MERTK: variants seen among roughly 807,000 people sequenced by gnomAD.
MERTK encodes MER proto-oncogene, tyrosine kinase.
Under a neutral mutation model 99.3 loss-of-function variants are expected in MERTK, and 69 were observed. That is an observed-to-expected ratio of 0.70 (90% confidence interval 0.57 to 0.85). The LOEUF is 0.85. MERTK is among the 40% of genes least tolerant of loss of function. The pLI is 0.00. For missense variants in MERTK, 1,125 were observed against 1,249.4 expected (o/e 0.90, Z 1.50); for synonymous variants, 426 against 467.6 (o/e 0.91, Z 1.15).
chr2:111,949,420 C>G (rs912800411), intron 4 of MERTK, among the ~76,000 whole-genome samples: 3 of 152,168 alleles, frequency 2.0e-5, no homozygotes, highest in Admixed American at 2.0e-4. Context: ...CTCTGAATCA[C>G]TTTTCTAACC....
intron 4 of MERTK, among the ~76,000 whole-genome samples, chr2:111,964,956 G>T (rs1271972272): frequency 6.6e-6 from 1 of 152,138 alleles, no homozygotes; most frequent in Non-Finnish European, 1.5e-5. Flanking sequence ...CACCATTCAG[G>T]ATCTGAATAA....
At chr2:112,003,051 C>T (rs201673609) in intron 11 of MERTK, 41 bp from the exon 12 acceptor site, 41 of 886,570 alleles carry the variant, frequency 4.6e-5, no homozygotes, top group African/African-American at 4.4e-4. Flanking sequence ...AAAGAAAACA[C>T]GCTGACAATT....
chr2:111,903,054 C>CAA (rs1190566569), intron 1 of MERTK, among the ~76,000 whole-genome samples: 1 of 152,218 alleles, frequency 6.6e-6, no homozygotes, highest in Non-Finnish European at 1.5e-5. Flanking sequence ...GCAGAGATTA[C>CAA]AGGCGTGAGC....
chr2:111,939,174 T>G (rs534835421), intron 2 of MERTK, among the ~76,000 whole-genome samples: 1 of 152,306 alleles, frequency 6.6e-6, no homozygotes, highest in East Asian at 1.9e-4. Context: ...AATGGTCTTC[T>G]TGCTGATGCG....
intron 8 of MERTK, 66 bp downstream of exon 8, chr2:111,983,059 T>A (rs976475106): frequency 3.0e-5 from 48 of 1,597,636 alleles, no homozygotes; most frequent in Non-Finnish European, 3.0e-5. Context: ...TACTTCAGTT[T>A]TAGAAGCTTT....
At chr2:111,939,655 T>TC in intron 2 of MERTK, among the ~76,000 whole-genome samples, 1 of 79,504 alleles carries the variant, frequency 1.3e-5, no homozygotes, top group East Asian at 2.6e-4. Flanking sequence ...TAATTTTTAA[T>TC]TTTTTTTTTT....
At chr2:111,929,712 G>T (rs1468160646) in intron 2 of MERTK, among the ~76,000 whole-genome samples, 172 bp downstream of exon 2, 1 of 151,140 alleles carries the variant, frequency 6.6e-6, no homozygotes, top group Non-Finnish European at 1.5e-5. Context: ...TCAGCCTCCG[G>T]CGTAGCTGGG....
At chr2:111,940,866 G>A (rs1684852843) in intron 2 of MERTK, 1 of 783,542 alleles carries the variant, frequency 1.3e-6, no homozygotes, top group Non-Finnish European at 2.3e-6. Flanking sequence ...GAAAGAACTC[G>A]GGCCAGTCAC....
At chr2:111,964,411 G>A (rs1055628673) in intron 4 of MERTK, among the ~76,000 whole-genome samples, 4 of 151,676 alleles carry the variant, frequency 2.6e-5, no homozygotes, top group African/African-American at 9.7e-5. Context: ...GCGCGCGCAC[G>A]CGCATGTGTG....
chr2:111,928,389 C>T (rs1684607704), intron 1 of MERTK, among the ~76,000 whole-genome samples: 1 of 151,186 alleles, frequency 6.6e-6, no homozygotes, highest in Admixed American at 6.6e-5. Context: ...ACACATCTGG[C>T]TAATTTTTGG....
chr2:111,995,445 C>T (rs1288629302), intron 9 of MERTK: 1 of 188,434 alleles, frequency 5.3e-6, no homozygotes, highest in Non-Finnish European at 1.1e-5. Flanking sequence ...TTTTGCCAAA[C>T]ATGACCTTTG....
intron 8 of MERTK, among the ~76,000 whole-genome samples, chr2:111,983,355 A>G (rs1458343937): frequency 3.9e-5 from 6 of 152,194 alleles, no homozygotes; most frequent in East Asian, 1.9e-4. Context: ...TCAGGGAGCT[A>G]CAGGGCTTAG....
At chr2:111,966,292 G>A (rs934919108) in intron 5 of MERTK, among the ~76,000 whole-genome samples, 5 of 152,140 alleles carry the variant, frequency 3.3e-5, no homozygotes, top group African/African-American at 1.2e-4. Context: ...CAAAAAAGAT[G>A]CTAATTTTAG....
chr2:111,904,337 T>C (rs1418729205), intron 1 of MERTK, among the ~76,000 whole-genome samples: 1 of 152,120 alleles, frequency 6.6e-6, no homozygotes, highest in East Asian at 1.9e-4. Context: ...TTTTTGTGTT[T>C]GTTTTGTTTT....
chr2:111,939,654 A>ATTTTTTTT (rs1184269274), intron 2 of MERTK, among the ~76,000 whole-genome samples: 29 of 88,258 alleles, frequency 3.3e-4, no homozygotes, highest in Middle Eastern at 7.2e-3. Context: ...CTAATTTTTA[A>ATTTTTTTT]TTTTTTTTTT....
chr2:111,940,140 A>G (rs1684835707), intron 2 of MERTK, among the ~76,000 whole-genome samples: 1 of 151,920 alleles, frequency 6.6e-6, no homozygotes, highest in South Asian at 2.1e-4. Flanking sequence ...AAACTTTATT[A>G]AAGAAAAAAG....
chr2:111,959,886 A>G (rs1260976639), intron 4 of MERTK, among the ~76,000 whole-genome samples: 2 of 152,192 alleles, frequency 1.3e-5, no homozygotes, highest in African/African-American at 4.8e-5. Flanking sequence ...TTAGAAATTA[A>G]AACTGAAAAC....
chr2:111,977,892 C>G (rs1248026835), intron 7 of MERTK, among the ~76,000 whole-genome samples: 3 of 151,986 alleles, frequency 2.0e-5, no homozygotes, highest in Non-Finnish European at 2.9e-5. Flanking sequence ...CTCTTTTTTG[C>G]ATTTTTATGT....
chr2:111,939,462 T>C (rs1177954705), intron 2 of MERTK, among the ~76,000 whole-genome samples: 2 of 151,912 alleles, frequency 1.3e-5, no homozygotes, highest in African/African-American at 4.8e-5. Context: ...GCCATAGCAC[T>C]TAAGGACTTA....
Sources: allele counts gnomAD v4.1 joint callset (sites outside exome capture counted in the v4.1 genomes callset), GRCh38; gene constraint gnomAD v4.1.1; transcripts MANE v1.5; gene names NCBI Gene and HGNC (gene_info 2026-07-23, HGNC 2026-07-21).